TAF4B: variants seen among roughly 807,000 people sequenced by gnomAD.
The protein encoded by TAF4B is transcription initiation factor TFIID subunit 4B.
A neutral mutation model predicts 86.4 loss-of-function variants in TAF4B; 38 were observed. The observed-to-expected ratio is 0.44, with a 90% CI of 0.34 to 0.58. TAF4B has a LOEUF of 0.58. TAF4B is among the 20% of genes least tolerant of loss of function. The pLI is 0.02. For missense variants in TAF4B, 988 were observed against 1,027.6 expected (o/e 0.96, Z 0.53); for synonymous variants, 388 against 391.2 (o/e 0.99, Z 0.10).
At position 26,250,226 on chromosome 18, in the gene TAF4B, G is replaced by A. The variant is rs528618473; in HGVS notation, c.344-14944G>A. 1.0e-3 allele frequency among the ~76,000 whole-genome samples: 156 copies of A among 152,196 alleles called. 1 individual carries two copies. The highest frequency in any genetic ancestry group is 3.5e-3 in the African/African-American group (147 of 41,524). ...TTATAAAAATTTTTGTGCTGGGCGCGGTGGCTCACGCCTCCTATCCCAGCA... is the reference window on the plus strand; with the variant it reads ...TTATAAAAATTTTTGTGCTGGGCGCAGTGGCTCACGCCTCCTATCCCAGCA... On this transcript the variant is annotated intron_variant, in intron 1 of 14. Coordinates refer to ENST00000269142, the MANE Select transcript of TAF4B (RefSeq NM_005640.3).
chr18:26,358,779 G>C (rs1398926742), intron 14 of TAF4B, among the ~76,000 whole-genome samples: 2 of 152,192 alleles, frequency 1.3e-5, no homozygotes, highest in Non-Finnish European at 2.9e-5. Context: ...GGCTGAGATA[G>C]AGGTATGCTA....
At chr18:26,254,917 A>G (rs769212662) in intron 1 of TAF4B, among the ~76,000 whole-genome samples, 6 of 152,194 alleles carry the variant, frequency 3.9e-5, no homozygotes, top group African/African-American at 9.6e-5. Context: ...CTGCTTAATA[A>G]TCAGTAGTAC....
chr18:26,264,272 C>G (rs144061177), intron 1 of TAF4B, among the ~76,000 whole-genome samples: 2 of 152,106 alleles, frequency 1.3e-5, no homozygotes, highest in African/African-American at 4.8e-5. Context: ...AACCTCATCT[C>G]TACTAAAAAT....
intron 7 of TAF4B, among the ~76,000 whole-genome samples, chr18:26,291,211 A>G (rs752678123): frequency 1.5e-4 from 23 of 152,130 alleles, no homozygotes; most frequent in Non-Finnish European, 3.1e-4. Flanking sequence ...GTGAAAGTTC[A>G]CTATCAATAG....
chr18:26,300,228 G>T (rs920307568), intron 9 of TAF4B, among the ~76,000 whole-genome samples: 6 of 151,610 alleles, frequency 4.0e-5, no homozygotes, highest in Admixed American at 2.6e-4. Context: ...GGCCCAAGCA[G>T]TCCTCCCATC....
intron 14 of TAF4B, among the ~76,000 whole-genome samples, chr18:26,373,414 G>A (rs2057420032): frequency 1.3e-5 from 2 of 151,640 alleles, no homozygotes; most frequent in Admixed American, 1.3e-4. Flanking sequence ...TCCTTAGACT[G>A]GTGATTTCTT....
At chr18:26,280,520 A>T (rs1396615740) in intron 5 of TAF4B, among the ~76,000 whole-genome samples, 2 of 152,240 alleles carry the variant, frequency 1.3e-5, no homozygotes, top group Non-Finnish European at 2.9e-5. Context: ...TTCTGAAAAG[A>T]AGACATACAA....
At chr18:26,374,031 G>A (rs550922151) in intron 14 of TAF4B, among the ~76,000 whole-genome samples, 13 of 152,112 alleles carry the variant, frequency 8.5e-5, no homozygotes, top group Non-Finnish European at 1.8e-4. Flanking sequence ...AAAATTATCA[G>A]TTTATTATTA....
intron 1 of TAF4B, among the ~76,000 whole-genome samples, chr18:26,240,302 CCCTTGTAAGTTGGATT>C (rs1239285509): frequency 2.0e-5 from 3 of 152,176 alleles, no homozygotes; most frequent in African/African-American, 7.2e-5. Context: ...TCCTTCACGT[CCCTTGTAAGTTGGATT>C]CCTAGGTATT....
intron 14 of TAF4B, among the ~76,000 whole-genome samples, chr18:26,365,731 G>A (rs183791000): frequency 5.5e-4 from 83 of 152,278 alleles, no homozygotes; most frequent in Non-Finnish European, 8.4e-4. Context: ...GACTTGTGGT[G>A]GTCTTCTCGA....
intron 1 of TAF4B, among the ~76,000 whole-genome samples, chr18:26,234,677 A>G (rs2055722046): frequency 6.6e-6 from 1 of 152,142 alleles, no homozygotes; most frequent in Admixed American, 6.6e-5. Context: ...GGGGACTTCT[A>G]AGAGATCCTC....
chr18:26,227,456 AAAG>A (rs1306815089), intron 1 of TAF4B, among the ~76,000 whole-genome samples, 180 bp downstream of exon 1: 1 of 152,166 alleles, frequency 6.6e-6, no homozygotes, highest in Non-Finnish European at 1.5e-5. Context: ...ATATTTAAGG[AAAG>A]AATCTTTTCA....
At chr18:26,336,284 T>C (rs971429072) in intron 13 of TAF4B, among the ~76,000 whole-genome samples, 1 of 152,196 alleles carries the variant, frequency 6.6e-6, no homozygotes, top group Non-Finnish European at 1.5e-5. Context: ...TAACTGTGCC[T>C]CTTGAACTAT....
chr18:26,375,776 A>G (rs1165264005), intron 14 of TAF4B, among the ~76,000 whole-genome samples: 1 of 152,152 alleles, frequency 6.6e-6, no homozygotes, highest in Non-Finnish European at 1.5e-5. Flanking sequence ...ATCCAAAAAA[A>G]CCATTACTTA....
intron 14 of TAF4B, among the ~76,000 whole-genome samples, chr18:26,368,130 A>C (rs964081154): frequency 1.5e-4 from 23 of 152,226 alleles, no homozygotes; most frequent in Non-Finnish European, 7.3e-5. Flanking sequence ...ACATTTATTT[A>C]AGTATTAAAA....
At chr18:26,383,142 A>G (rs939736532) in intron 14 of TAF4B, among the ~76,000 whole-genome samples, 4 of 152,252 alleles carry the variant, frequency 2.6e-5, no homozygotes, top group African/African-American at 9.6e-5. Flanking sequence ...TGGTGTGGTC[A>G]TGGATGGCCA....
intron 13 of TAF4B, chr18:26,348,396 A>ATT (rs2144720981): frequency 6.5e-6 from 1 of 152,748 alleles, no homozygotes; most frequent in East Asian, 1.9e-4. Context: ...AATGAATGTG[A>ATT]CAAGGTCTCT....
intron 1 of TAF4B, among the ~76,000 whole-genome samples, chr18:26,252,565 C>T (rs1208460170): frequency 1.3e-5 from 2 of 152,068 alleles, no homozygotes; most frequent in African/African-American, 4.8e-5. Flanking sequence ...GATGAAATCT[C>T]CCTCCATTCC....
At chr18:26,371,544 A>G (rs1332988329) in intron 14 of TAF4B, among the ~76,000 whole-genome samples, 1 of 152,214 alleles carries the variant, frequency 6.6e-6, no homozygotes, top group Non-Finnish European at 1.5e-5. Context: ...TGCTAAAGAC[A>G]AGGTGAATGT....
Sources: allele counts gnomAD v4.1 joint callset (sites outside exome capture counted in the v4.1 genomes callset), GRCh38; gene constraint gnomAD v4.1.1; transcripts MANE v1.5; gene names NCBI Gene and HGNC (gene_info 2026-07-23, HGNC 2026-07-21).